The following RNF103 variants were observed in gnomAD, a reference collection of about 807,000 sequenced individuals.
RNF103 encodes E3 ubiquitin-protein ligase RNF103.
A neutral mutation model predicts 66.2 loss-of-function variants in RNF103; 23 were observed. That is an observed-to-expected ratio of 0.35 (90% CI 0.25 to 0.49). RNF103 has a LOEUF of 0.49. RNF103 is among the 20% of genes least tolerant of loss of function. The pLI is 0.98. For missense variants in RNF103, 730 were observed against 814.7 expected (o/e 0.90, Z 1.27); for synonymous variants, 297 against 289.9 (o/e 1.02, Z -0.25).
Position 86,622,883 on chromosome 2 carries a change from A to C in RNF103, c.4T>G (p.Trp2Gly), listed in dbSNP as rs746813128. MWLKLFFLLLYF... is the reference protein window; with the variant it reads MGLKLFFLLLYF... ...AGGAGCAAGAAAAAAAGCTTCAGCC[A>C]CATCTTCCCTGGAGTTTCCTCTCTT... Residue 2 changes from tryptophan to glycine, a missense_variant, in exon 1 of 4, where the codon TGG becomes GGG. Coordinates refer to ENST00000237455, the MANE Select transcript of RNF103 (RefSeq NM_005667.4). 2 of 1,599,896 alleles carry C rather than the reference A, an allele frequency of 1.3e-6. No individual in the cohort carries two copies. The highest frequency in any genetic ancestry group is 8.5e-7 in the Non-Finnish European group (1 of 1,172,852).
intron 1 of RNF103, 77 bp downstream of exon 1, chr2:86,622,584 G>GA (rs752480250): frequency 8.3e-6 from 12 of 1,439,904 alleles, no homozygotes; most frequent in Non-Finnish European, 1.2e-5. Flanking sequence ...CACTCTGGGG[G>GA]AACAGCCAGG....
Position 86,605,423 on chromosome 2 carries a change from A to G in RNF103, c.483-5T>C, listed in dbSNP as rs376580835. 5.7e-6 allele frequency: 9 copies of G among 1,586,116 alleles called. No individual in the cohort carries two copies. Among genetic ancestry groups the G allele is most frequent in the Non-Finnish European group, 6.0e-6 (7 of 1,168,996 alleles). ...CAGCCTCTTCTCCTGCAATATCTAC[A>G]AGAGAGGAAACTGTAAATAAACAGC... On this transcript the variant is annotated splice_region_variant and splice_polypyrimidine_tract_variant and intron_variant, in intron 3 of 3. Transcript: ENST00000237455.
Position 86,604,387 on chromosome 2 carries a change from G to T in RNF103, c.1514C>A (p.Pro505Gln). ...TGGTAAGTTTTTAATATAATCAGTT[G>T]GTATCAGAGGGTGAAGCCAAAGGTC... ...FPDLWLHPLI[P>Q]TDYIKNLPMW... The change falls in exon 4 of 4, where the codon CCA (proline) becomes CAA (glutamine). Residue 505 changes from proline to glutamine, a missense_variant. This residue lies in a region of RNF103 where 355 missense variants were observed against 351.9 expected (regional missense o/e 1.01). Coordinates refer to ENST00000237455, the MANE Select transcript of RNF103 (RefSeq NM_005667.4). 1 of 1,614,160 alleles carries T rather than the reference G, an allele frequency of 6.2e-7. No individual in the cohort carries two copies. Among genetic ancestry groups the T allele is most frequent in the African/African-American group, 1.3e-5 (1 of 75,022 alleles).
intron 2 of RNF103, among the ~76,000 whole-genome samples, chr2:86,615,815 A>G (rs1016141869): frequency 5.3e-5 from 8 of 152,154 alleles, no homozygotes; most frequent in Non-Finnish European, 1.2e-4. Context: ...TCCCTTTCCC[A>G]GGGTATCTGC....
chr2:86,610,240 C>CA (rs1558684554), intron 3 of RNF103, among the ~76,000 whole-genome samples: 1 of 151,916 alleles, frequency 6.6e-6, no homozygotes, highest in African/African-American at 2.4e-5. Flanking sequence ...AAAAGTTATC[C>CA]AAAAAAACAT....
chr2:86,605,547 A>T, intron 3 of RNF103, 129 bp from the exon 4 acceptor site: 1 of 873,496 alleles, frequency 1.1e-6, no homozygotes, highest in Non-Finnish European at 1.7e-6. Context: ...TGGTACCACT[A>T]CTTGGCAGCT....
chr2:86,604,463 A>T lies in RNF103; in HGVS notation c.1438T>A (p.Ser480Thr). ...IASFQNFPVE[S>T]DWDEDPDLFL... is the part of the protein sequence containing the mutation. ...AAGTCAGGGTCTTCGTCCCAATCAG[A>T]TTCTACAGGAAAGTTCTGAAAAGAA... is the stretch of plus-strand genomic sequence containing the variant. Residue 480 changes from serine (S) to threonine (T), a missense_variant, in exon 4 of 4, where the codon TCT becomes ACT. This residue lies in a region of RNF103 where 355 missense variants were observed against 351.9 expected (regional missense o/e 1.01). Coordinates refer to ENST00000237455, the MANE Select transcript of RNF103 (RefSeq NM_005667.4). 1 of 1,614,218 alleles carries T rather than the reference A, an allele frequency of 6.2e-7. No individual in the cohort carries two copies. The highest frequency in any genetic ancestry group is 8.5e-7 in the Non-Finnish European group (1 of 1,180,052).
At chr2:86,613,134 C>T (rs1486741996) in intron 2 of RNF103, 2 of 152,300 alleles carry the variant, frequency 1.3e-5, no homozygotes, top group Non-Finnish European at 2.9e-5. Context: ...GTGGCAGGCA[C>T]CTATAGTCCC....
chr2:86,613,842 C>T (rs1678902099), intron 2 of RNF103: 1 of 152,188 alleles, frequency 6.6e-6, no homozygotes, highest in African/African-American at 2.4e-5. Context: ...CTTACCGAGA[C>T]ACACGTGCAT....
chr2:86,614,025 G>A (rs1678912603), intron 2 of RNF103: 1 of 152,122 alleles, frequency 6.6e-6, no homozygotes, highest in African/African-American at 2.4e-5. Flanking sequence ...CAAATACCTG[G>A]CCTCAGGGTT....
upstream of RNF103, chr2:86,623,870 G>A (rs1317580336): frequency 1.6e-6 from 2 of 1,287,706 alleles, no homozygotes; most frequent in East Asian, 5.6e-5. Flanking sequence ...CATAACAACT[G>A]ACGTCGCGAT....
At chr2:86,615,971 A>C (rs1679002852) in intron 2 of RNF103, among the ~76,000 whole-genome samples, 1 of 152,232 alleles carries the variant, frequency 6.6e-6, no homozygotes, top group South Asian at 2.1e-4. Context: ...AGTTCTGATT[A>C]CACAGAGTCT....
intron 2 of RNF103, chr2:86,615,196 T>G (rs1678968743): frequency 1.0e-6 from 1 of 985,436 alleles, no homozygotes; most frequent in Non-Finnish European, 1.2e-6. Context: ...AGGGCCTTAT[T>G]TATTCAGCAA....
At chr2:86,615,760 G>C (rs1678994211) in intron 2 of RNF103, among the ~76,000 whole-genome samples, 2 of 152,036 alleles carry the variant, frequency 1.3e-5, no homozygotes, top group African/African-American at 4.8e-5. Flanking sequence ...TCCAGGTGTG[G>C]AACAGACCTG....
rs146507546 is a variant in RNF103 at position 86,603,901 on chromosome 2, T to C, written c.2000A>G (p.Tyr667Cys). 1.3e-5 allele frequency: 21 copies of C among 1,614,012 alleles called. No individual in the cohort carries two copies. The highest frequency in any genetic ancestry group is 1.7e-5 in the Non-Finnish European group (20 of 1,180,034). ...HCCPVCRWPS[Y>C]KKKQPYAQHQ... ...TTGTGCATATGGCTGCTTTTTTTTA[T>C]AAGAAGGCCACCGGCAAACAGGGCA... Residue 667 changes from tyrosine to cysteine, a missense_variant, in exon 4 of 4, where the codon TAT becomes TGT. Physicochemically the swap from Tyr to Cys is radical, Grantham distance 194. This residue lies in a region of RNF103 where 355 missense variants were observed against 351.9 expected (regional missense o/e 1.01). Coordinates refer to ENST00000237455, the MANE Select transcript of RNF103 (RefSeq NM_005667.4).
chr2:86,617,246 A>G (rs1679055552), intron 2 of RNF103: 1 of 985,314 alleles, frequency 1.0e-6, no homozygotes, highest in Non-Finnish European at 1.2e-6. Context: ...CCATCTGTGC[A>G]TCTTCATTTA....
rs113595043 is a variant in RNF103, at chr2:86,611,837, A to G, written c.482+322T>C. On this transcript the variant is annotated intron_variant, in intron 3 of 3. Coordinates refer to ENST00000237455, the MANE Select transcript of RNF103 (RefSeq NM_005667.4). ...GTCACCTAAAGCCATGAATGTGCTG[A>G]GATCTCTTTGGAAAAGAAAGGTGAA... 3.4e-3 allele frequency among the ~76,000 whole-genome samples: 524 copies of G among 152,328 alleles called. 5 individuals are homozygous for G. Among genetic ancestry groups the G allele is most frequent in the African/African-American group, 0.012 (505 of 41,568 alleles).
At chr2:86,617,697 TAATA>T in intron 2 of RNF103, 11 of 990,754 alleles carry the variant, frequency 1.1e-5, no homozygotes, top group Non-Finnish European at 1.3e-5. Context: ...TACAATAGAT[TAATA>T]TATATGATCT....
In RNF103 at chr2:86,620,458, CCAT is replaced by C; in HGVS notation, c.235_237del (p.Met79del). Reference sequence around the variant, plus strand: ...TTGAGAGCAGAATAGAGCTCACCCTCCATCAAGTCACCTGAAGAAAGGAAAAGA... The same window carrying C: ...TTGAGAGCAGAATAGAGCTCACCCTCCAAGTCACCTGAAGAAAGGAAAAGA... On this transcript the variant is annotated inframe_deletion, in exon 2 of 4. Coordinates refer to ENST00000237455, the MANE Select transcript of RNF103 (RefSeq NM_005667.4). 3 of 1,581,060 alleles carry C rather than the reference CCAT, an allele frequency of 1.9e-6. No individual in the cohort carries two copies. Among genetic ancestry groups the C allele is most frequent in the Non-Finnish European group, 2.6e-6 (3 of 1,157,990 alleles).
Sources: allele counts gnomAD v4.1 joint callset (sites outside exome capture counted in the v4.1 genomes callset), GRCh38; gene constraint gnomAD v4.1.1; regional missense constraint gnomAD v4.1.1; transcripts MANE v1.5; gene names NCBI Gene and HGNC (gene_info 2026-07-23, HGNC 2026-07-21).